Variants in OCA2 observed in about 807,000 individuals in gnomAD.
OCA2 encodes the protein OCA2 melanosomal transmembrane protein, also known as P protein.
Under a neutral mutation model 100.2 loss-of-function variants are expected in OCA2, and 77 were observed. The ratio of observed to expected loss-of-function variants is 0.77; its 90% CI spans 0.64 to 0.93. The LOEUF (loss-of-function observed/expected upper bound fraction) is 0.93. Among genes scored for constraint, OCA2 ranks in the 40% least tolerant of loss-of-function variants. OCA2 has a pLI of 0.00. For synonymous variants in OCA2, 432 were observed against 439.2 expected (o/e 0.98, Z 0.21); for missense variants, 1,062 against 1,089.1 (o/e 0.98, Z 0.35).
chr15:27,794,167 C>T (rs764809733), intron 23 of OCA2, among the ~76,000 whole-genome samples: 1 of 152,166 alleles, frequency 6.6e-6, no homozygotes, highest in African/African-American at 2.4e-5. Context: ...AGGAACCCTC[C>T]GAAAACTGCG....
chr15:28,056,319 C>G (rs1024329423), intron 2 of OCA2, among the ~76,000 whole-genome samples: 2 of 152,228 alleles, frequency 1.3e-5, no homozygotes, highest in African/African-American at 4.8e-5. Context: ...TTCTTGAGCA[C>G]TGGCATTCAT....
At chr15:27,838,605 TA>T (rs1216204790) in intron 23 of OCA2, among the ~76,000 whole-genome samples, 4 of 152,208 alleles carry the variant, frequency 2.6e-5, no homozygotes, top group African/African-American at 9.6e-5. Context: ...GTAAAACTAT[TA>T]GACTCTGAAG....
At chr15:27,751,186 G>A (rs73370332), downstream of OCA2, among the ~76,000 whole-genome samples, 7,906 of 152,256 alleles carry the variant, frequency 0.052, 733 homozygotes, top group African/African-American at 0.18. Context: ...AGACAGAATA[G>A]AGGCTTATGT....
chr15:27,918,917 C>T (rs1159473597), intron 19 of OCA2, among the ~76,000 whole-genome samples: 1 of 152,242 alleles, frequency 6.6e-6, no homozygotes, highest in South Asian at 2.1e-4. Flanking sequence ...TCAATATTTT[C>T]AGTTTGGTTC....
intron 17 of OCA2, among the ~76,000 whole-genome samples, chr15:27,952,220 C>A (rs189191848): frequency 4.5e-4 from 68 of 152,336 alleles, no homozygotes; most frequent in Non-Finnish European, 8.2e-4. Context: ...CTCTACCACG[C>A]CAAGCATGCG....
Position 27,863,701 on chromosome 15 carries a change from G to A in OCA2, c.2244+7453C>T, listed in dbSNP as rs554526636. Among the ~76,000 whole-genome samples, 18 of 152,206 alleles carry A rather than the reference G, an allele frequency of 1.2e-4. No individual in the cohort carries two copies. The East Asian group carries it at 3.3e-3, about 28-fold the overall frequency. ...CTCCAAATCTCTCACCCTTTTTCACGACTCTGTTTCTCTTTGCTTTTGTTC... is the reference window on the plus strand; with the variant it reads ...CTCCAAATCTCTCACCCTTTTTCACAACTCTGTTTCTCTTTGCTTTTGTTC... On this transcript the variant is annotated intron_variant, in intron 21 of 23. Transcript: ENST00000354638.
At chr15:27,855,141 A>G (rs938637894) in intron 21 of OCA2, among the ~76,000 whole-genome samples, 1 of 152,214 alleles carries the variant, frequency 6.6e-6, no homozygotes, top group Non-Finnish European at 1.5e-5. Flanking sequence ...CCAGCTCCCT[A>G]AACTCCAGAG....
chr15:27,913,873 AAG>A lies in OCA2; in HGVS notation c.2079+12252_2079+12253del, dbSNP rs1298075599. 5.1e-4 allele frequency among the ~76,000 whole-genome samples: 29 copies of A among 56,946 alleles called. 1 individual carries two copies. Among genetic ancestry groups the A allele is most frequent in the East Asian group, 6.1e-3 (1 of 164 alleles). 37.4% of individuals were successfully genotyped at this position (56,946 alleles called of 152,430 possible). ...AAAGAAAGAAAGAAAGAAAGAAAGA[AAG>A]AAAGAAAGAAAGAAAGAAAGCAAGC... On this transcript the variant is annotated intron_variant, in intron 19 of 23. Transcript: ENST00000354638.
At chr15:27,741,626 C>T in the OCA2 span, among the ~76,000 whole-genome samples, 1 of 152,282 alleles carries the variant, frequency 6.6e-6, no homozygotes, top group East Asian at 1.9e-4. Flanking sequence ...TTATGAGGGT[C>T]TGTGCCTGGC....
At chr15:27,850,949 C>T (rs2035725713) in intron 22 of OCA2, among the ~76,000 whole-genome samples, 1 of 152,190 alleles carries the variant, frequency 6.6e-6, no homozygotes, top group Non-Finnish European at 1.5e-5. Context: ...GCAATGCCCA[C>T]CCCAAAAACA....
rs77066822 is a variant in OCA2 at position 27,886,901 on chromosome 15, T to A, written c.2080-14979A>T. On this transcript the variant is annotated intron_variant, in intron 19 of 23. Coordinates refer to ENST00000354638, the MANE Select transcript of OCA2 (RefSeq NM_000275.3). ...GAAACTGTTTGGGATCTGATATGGT[T>A]TGCCTCTGTGTCCCCACCCAAATCT... 3.3e-3 allele frequency among the ~76,000 whole-genome samples: 499 copies of A among 152,310 alleles called. 2 individuals are homozygous for A. Among genetic ancestry groups the A allele is most frequent in the Non-Finnish European group, 5.7e-3 (389 of 68,032 alleles).
intron 23 of OCA2, among the ~76,000 whole-genome samples, chr15:27,831,652 C>G (rs1016630903): frequency 2.0e-5 from 3 of 152,172 alleles, no homozygotes; most frequent in Admixed American, 6.5e-5. Context: ...CCAGAGGGAG[C>G]GTGTCTGGGT....
chr15:27,779,179 G>T (rs1165903213), intron 23 of OCA2, among the ~76,000 whole-genome samples: 1 of 152,150 alleles, frequency 6.6e-6, no homozygotes, highest in Non-Finnish European at 1.5e-5. Context: ...AACTGGTTTG[G>T]TGACCTAATA....
chr15:27,851,434 G>A lies in OCA2; in HGVS notation c.2286C>T (p.Gly762=). Reference sequence around the variant, plus strand: ...CATACATGAGCGGCGGTGCGGGCAGGCCAACCTCAGGGTCGTGGCTCAGGT... The same window carrying A: ...CATACATGAGCGGCGGTGCGGGCAGACCAACCTCAGGGTCGTGGCTCAGGT... ...LLNLSHDPEV[G]LPAPPLMYAL... is the part of the protein sequence containing the mutation. The change falls in exon 22 of 24, where the codon GGC becomes GGT. Residue 762 remains glycine (G), a synonymous_variant. Coordinates refer to ENST00000354638, the MANE Select transcript of OCA2 (RefSeq NM_000275.3). 1 of 1,613,958 alleles carries A rather than the reference G, an allele frequency of 6.2e-7. No individual in the cohort carries two copies.
At chr15:27,868,593 G>T (rs8033038) in intron 21 of OCA2, among the ~76,000 whole-genome samples, 2,245 of 151,990 alleles carry the variant, frequency 0.015, 43 homozygotes, top group African/African-American at 0.047. Context: ...CTGCTCAATG[G>T]GTAGAGTTTC....
chr15:27,956,809 T>G (rs1178435721), intron 16 of OCA2, among the ~76,000 whole-genome samples: 1 of 152,230 alleles, frequency 6.6e-6, no homozygotes, highest in African/African-American at 2.4e-5. Context: ...TGTGACTGCC[T>G]GTGAATCCTC....
intron 9 of OCA2, 23 bp downstream of exon 9, chr15:28,014,753 G>T (rs765740469): frequency 3.1e-6 from 5 of 1,608,746 alleles, no homozygotes; most frequent in East Asian, 2.2e-5. Flanking sequence ...CAGACAGATC[G>T]GGGGAGCAGG....
rs139081953 is a variant in OCA2, at chr15:27,866,079, G to A, written c.2244+5075C>T. On this transcript the variant is annotated intron_variant, in intron 21 of 23. Coordinates refer to ENST00000354638, the MANE Select transcript of OCA2 (RefSeq NM_000275.3). ...TTGCCTTACATGACTGGGGGCCTGA[G>A]CAGGACACCCTACCTCCACCCAGAG... Among the ~76,000 whole-genome samples, 339 of 152,336 alleles carry A rather than the reference G, an allele frequency of 2.2e-3. 1 individual carries two copies. The highest frequency in any genetic ancestry group is 7.5e-3 in the African/African-American group (310 of 41,582).
intron 22 of OCA2, 71 bp downstream of exon 22, chr15:27,851,311 T>C: frequency 1.6e-6 from 2 of 1,221,852 alleles, no homozygotes; most frequent in Non-Finnish European, 2.4e-6. Flanking sequence ...TGATACACAC[T>C]AACTGTTGCT....
Sources: gnomAD v4.1 joint callset for allele counts (sites outside exome capture counted in the v4.1 genomes callset) on GRCh38, gnomAD v4.1.1 for gene constraint, MANE v1.5 for transcripts, NCBI Gene and HGNC (gene_info 2026-07-23, HGNC 2026-07-21) for gene names.